The following FER variants were observed in gnomAD, a reference collection of about 807,000 sequenced individuals.
The protein encoded by FER is tyrosine-protein kinase Fer.
A neutral mutation model predicts 111.0 loss-of-function variants in FER; 63 were observed. That is an observed-to-expected ratio of 0.57 (90% CI 0.46 to 0.70). The LOEUF is 0.70. Ranked by LOEUF, FER falls within the 30% of genes least tolerant of loss-of-function variation. FER has a pLI of 0.00. For missense variants in FER, 914 were observed against 954.0 expected (o/e 0.96, Z 0.55); for synonymous variants, 327 against 313.9 (o/e 1.04, Z -0.44).
At chr5:108,896,509 C>T (rs567269146) in intron 9 of FER, among the ~76,000 whole-genome samples, 1 of 152,220 alleles carries the variant, frequency 6.6e-6, no homozygotes, top group East Asian at 1.9e-4. Flanking sequence ...TACTAGGTCT[C>T]TCACAAATGT....
At chr5:109,151,915 T>C (rs576221340) in intron 17 of FER, among the ~76,000 whole-genome samples, 5 of 152,124 alleles carry the variant, frequency 3.3e-5, no homozygotes, top group Non-Finnish European at 7.4e-5. Context: ...GATGCATCTT[T>C]ATAGAGTTAT....
At chr5:109,043,519 TTTTA>T (rs1280467812) in intron 14 of FER, among the ~76,000 whole-genome samples, 37 of 152,282 alleles carry the variant, frequency 2.4e-4, no homozygotes, top group Admixed American at 1.9e-3. Flanking sequence ...ATTTTAATAA[TTTTA>T]TTTATTAATA....
intron 10 of FER, among the ~76,000 whole-genome samples, chr5:108,900,308 T>C (rs185744615): frequency 4.5e-4 from 69 of 152,366 alleles, no homozygotes; most frequent in Non-Finnish European, 2.2e-4. Flanking sequence ...GTGAAATCTT[T>C]GTGTAATTCA....
chr5:108,954,682 T>C, intron 11 of FER, 47 bp from the exon 12 acceptor site: 1 of 1,317,380 alleles, frequency 7.6e-7, no homozygotes, highest in Non-Finnish European at 1.0e-6. Context: ...TAGAAAATAA[T>C]CAGTATTTTC....
chr5:109,003,879 C>A (rs1475230765), intron 13 of FER, among the ~76,000 whole-genome samples: 1 of 152,020 alleles, frequency 6.6e-6, no homozygotes, highest in Non-Finnish European at 1.5e-5. Flanking sequence ...ACTTGGGATG[C>A]CAAGGTGGGA....
chr5:108,981,381 A>G (rs554198682), intron 13 of FER, among the ~76,000 whole-genome samples: 3 of 152,176 alleles, frequency 2.0e-5, no homozygotes, highest in African/African-American at 4.8e-5. Flanking sequence ...GAAAAAAAGC[A>G]TATATACATA....
At chr5:109,170,057 T>C (rs1756947004) in intron 17 of FER, among the ~76,000 whole-genome samples, 2 of 152,222 alleles carry the variant, frequency 1.3e-5, no homozygotes, top group African/African-American at 4.8e-5. Context: ...TGGCACCTTG[T>C]GCATCACAGA....
rs551909352 is a variant in FER, at chr5:109,190,195, C to T, written c.*2620C>T. ...GAGGCTAATCCATGCCCAGGAAGCA[C>T]GAACATACTGTTCAGAATGTGCAAG... On this transcript the variant is annotated 3_prime_UTR_variant, in exon 20 of 20. Transcript: ENST00000281092. 6.6e-6 allele frequency: 1 copy of T among 152,052 alleles called. No homozygotes were observed. The highest frequency in any genetic ancestry group is 1.9e-4 in the East Asian group (1 of 5,184). 9.4% of individuals were successfully genotyped at this position (152,052 alleles called of 1,614,324 possible).
intron 17 of FER, among the ~76,000 whole-genome samples, chr5:109,113,917 G>T (rs1265587830): frequency 6.6e-6 from 1 of 152,030 alleles, no homozygotes; most frequent in East Asian, 1.9e-4. Flanking sequence ...TAAGGGAAAA[G>T]CCATGGGAAA....
At chr5:109,124,396 T>G (rs1751399676) in intron 17 of FER, among the ~76,000 whole-genome samples, 1 of 152,260 alleles carries the variant, frequency 6.6e-6, no homozygotes, top group Non-Finnish European at 1.5e-5. Flanking sequence ...TTAAGGCTTA[T>G]GAACTCTTCG....
In FER at chr5:108,883,392, C is replaced by A; in HGVS notation, c.924-4C>A. The A allele has an allele frequency of 6.3e-7, 1 of 1,597,408 alleles. No individual in the cohort carries two copies. The highest frequency in any genetic ancestry group is 1.1e-5 in the South Asian group (1 of 88,000). On this transcript the variant is annotated splice_polypyrimidine_tract_variant and splice_region_variant and intron_variant, in intron 8 of 19. Transcript: ENST00000281092. ...GTTGTTATTGAGGATACTGTTTATT[C>A]TAGGTTGAAAACGTTAGCGGAAGAA...
chr5:108,752,175 T>C (rs530394706), intron 1 of FER, among the ~76,000 whole-genome samples: 1 of 152,200 alleles, frequency 6.6e-6, no homozygotes, highest in East Asian at 1.9e-4. Flanking sequence ...TCAGAAACAA[T>C]TGGATTTTTT....
chr5:108,783,725 C>T (rs1403042967), intron 2 of FER, among the ~76,000 whole-genome samples: 1 of 152,074 alleles, frequency 6.6e-6, no homozygotes, highest in Non-Finnish European at 1.5e-5. Context: ...GGCACTAGGG[C>T]TCCCACTGGT....
rs193177616 is a variant in FER, at chr5:109,016,627, C to T, written c.1657-20795C>T. ...TAAATCAAATGACTTAATTGTAGGT[C>T]GCTTGTCAAACAAAAAGCTTTTGTT... On this transcript the variant is annotated intron_variant, in intron 13 of 19. Coordinates refer to ENST00000281092, the MANE Select transcript of FER (RefSeq NM_005246.4). 3.9e-4 allele frequency among the ~76,000 whole-genome samples: 59 copies of T among 152,012 alleles called. 1 individual carries two copies. The highest frequency in any genetic ancestry group is 1.3e-3 in the African/African-American group (54 of 41,496).
chr5:108,776,947 T>A (rs894510290), intron 2 of FER, among the ~76,000 whole-genome samples: 1 of 152,228 alleles, frequency 6.6e-6, no homozygotes, highest in African/African-American at 2.4e-5. Flanking sequence ...TTGTGTAATA[T>A]TCTGTTTCTG....
chr5:109,056,094 T>C (rs931420823), intron 16 of FER, among the ~76,000 whole-genome samples: 3 of 152,004 alleles, frequency 2.0e-5, no homozygotes, highest in African/African-American at 7.3e-5. Context: ...TTGGCAGGGG[T>C]ATGGAGAAAT....
chr5:109,089,538 C>T (rs1777930444), intron 16 of FER, among the ~76,000 whole-genome samples: 1 of 152,136 alleles, frequency 6.6e-6, no homozygotes, highest in Non-Finnish European at 1.5e-5. Flanking sequence ...AATAGAAAGT[C>T]TCAGTCCTTG....
At chr5:109,022,917 A>G (rs555564865) in intron 13 of FER, among the ~76,000 whole-genome samples, 83 of 152,270 alleles carry the variant, frequency 5.5e-4, no homozygotes, top group African/African-American at 1.9e-3. Flanking sequence ...CTATTATGCT[A>G]TAGATAATAG....
chr5:108,832,648 TA>T, intron 3 of FER, 121 bp from the exon 4 acceptor site: 1 of 650,452 alleles, frequency 1.5e-6, no homozygotes, highest in Non-Finnish European at 2.2e-6. Context: ...GCCAGAAACC[TA>T]TTTTTTATAT....
Sources: allele counts gnomAD v4.1 joint callset (sites outside exome capture counted in the v4.1 genomes callset), GRCh38; gene constraint gnomAD v4.1.1; transcripts MANE v1.5; gene names NCBI Gene and HGNC (gene_info 2026-07-23, HGNC 2026-07-21).